C10orf90: variants seen among roughly 807,000 people sequenced by gnomAD.
C10orf90 encodes the protein (E2-independent) E3 ubiquitin-conjugating enzyme FATS.
Under a neutral mutation model 62.5 loss-of-function variants are expected in C10orf90, and 56 were observed. That is an observed-to-expected ratio of 0.90 (90% CI 0.72 to 1.12). C10orf90 has a LOEUF of 1.12. C10orf90 is among the 50% of genes most tolerant of loss of function. C10orf90 has a pLI of 0.00. For synonymous variants in C10orf90, 386 were observed against 340.4 expected (o/e 1.13, Z -1.47); for missense variants, 970 against 880.4 (o/e 1.10, Z -1.29).
intron 1 of C10orf90, among the ~76,000 whole-genome samples, chr10:126,654,052 A>G (rs1267621921): frequency 6.6e-6 from 1 of 152,180 alleles, no homozygotes; most frequent in Non-Finnish European, 1.5e-5. Context: ...GCTGTGATCC[A>G]GGCTTTGTTG....
intron 2 of C10orf90, among the ~76,000 whole-genome samples, chr10:126,563,052 C>G (rs1267327629): frequency 6.6e-6 from 1 of 152,212 alleles, no homozygotes; most frequent in Non-Finnish European, 1.5e-5. Flanking sequence ...ACATTGATGA[C>G]TTGAAACCAG....
At chr10:126,457,208 T>C (rs188214002) in intron 7 of C10orf90, among the ~76,000 whole-genome samples, 3 of 152,256 alleles carry the variant, frequency 2.0e-5, no homozygotes, top group East Asian at 1.9e-4. Flanking sequence ...AGGCTGGTCT[T>C]GAACTCCTGG....
chr10:126,665,672 A>G lies in C10orf90; in HGVS notation c.240+4569T>C, dbSNP rs138135069. On this transcript the variant is annotated intron_variant, in intron 1 of 9. Transcript: ENST00000488181. ...TGACCCCTGAGAGGAGGAAAACAAG[A>G]GAGGTGAGTCCTACAATTGTCCCCA... Among the ~76,000 whole-genome samples, 280 of 152,268 alleles carry G rather than the reference A, an allele frequency of 1.8e-3. 2 individuals carry two copies. The highest frequency in any genetic ancestry group is 6.3e-3 in the African/African-American group (260 of 41,564).
intron 2 of C10orf90, among the ~76,000 whole-genome samples, chr10:126,572,724 A>G (rs537679982): frequency 6.6e-6 from 1 of 152,194 alleles, no homozygotes; most frequent in South Asian, 2.1e-4. Flanking sequence ...GAATGCCTTA[A>G]CTGTCTGGGA....
At chr10:126,632,363 C>T (rs1355219605) in intron 2 of C10orf90, among the ~76,000 whole-genome samples, 1 of 151,956 alleles carries the variant, frequency 6.6e-6, no homozygotes, top group Non-Finnish European at 1.5e-5. Context: ...CATTGGCCCC[C>T]ACTGCAGTCC....
At chr10:126,486,002 C>T (rs1311602061) in intron 4 of C10orf90, among the ~76,000 whole-genome samples, 1 of 151,772 alleles carries the variant, frequency 6.6e-6, no homozygotes, top group Non-Finnish European at 1.5e-5. Context: ...AAATATATGG[C>T]TCAGCTGGCA....
intron 4 of C10orf90, chr10:126,496,699 G>GC: frequency 1.0e-6 from 1 of 985,320 alleles, no homozygotes; most frequent in Non-Finnish European, 1.2e-6. Flanking sequence ...CCCTTTCCTT[G>GC]CCAGAGAGGT....
At chr10:126,628,698 C>T (rs1845794808) in intron 2 of C10orf90, among the ~76,000 whole-genome samples, 1 of 152,202 alleles carries the variant, frequency 6.6e-6, no homozygotes, top group African/African-American at 2.4e-5. Context: ...CAGTTCTGAA[C>T]ACTTGGCAGT....
intron 4 of C10orf90, among the ~76,000 whole-genome samples, chr10:126,488,495 A>T (rs1055303206): frequency 2.6e-5 from 4 of 152,104 alleles, no homozygotes; most frequent in African/African-American, 9.6e-5. Flanking sequence ...AACAAATAGA[A>T]ATAAGAAAGC....
At chr10:126,633,422 G>A (rs751813944) in intron 2 of C10orf90, among the ~76,000 whole-genome samples, 4 of 152,272 alleles carry the variant, frequency 2.6e-5, no homozygotes, top group Non-Finnish European at 5.9e-5. Flanking sequence ...CAATGGGATG[G>A]CCTGATGAAC....
intron 4 of C10orf90, among the ~76,000 whole-genome samples, chr10:126,474,843 C>T (rs1001263323): frequency 2.6e-5 from 4 of 152,224 alleles, no homozygotes; most frequent in African/African-American, 9.6e-5. Context: ...TCTGATGGGG[C>T]TTACAAGATG....
chr10:126,438,871 C>G (rs1419899772), intron 7 of C10orf90, among the ~76,000 whole-genome samples: 1 of 151,976 alleles, frequency 6.6e-6, no homozygotes, highest in Non-Finnish European at 1.5e-5. Flanking sequence ...GCCTGAGAAC[C>G]TATACAACTG....
chr10:126,527,016 C>G (rs935903398), intron 2 of C10orf90, among the ~76,000 whole-genome samples: 2 of 152,186 alleles, frequency 1.3e-5, no homozygotes, highest in Non-Finnish European at 2.9e-5. Flanking sequence ...AATACTACTA[C>G]TGTGAAAATT....
At chr10:126,606,762 G>A (rs1381892720) in intron 2 of C10orf90, among the ~76,000 whole-genome samples, 1 of 152,164 alleles carries the variant, frequency 6.6e-6, no homozygotes, top group Non-Finnish European at 1.5e-5. Flanking sequence ...CCATAACGTA[G>A]CTGCTTTTGT....
At chr10:126,498,927 T>G (rs912063354) in intron 4 of C10orf90, among the ~76,000 whole-genome samples, 2 of 152,114 alleles carry the variant, frequency 1.3e-5, no homozygotes, top group African/African-American at 4.8e-5. Flanking sequence ...CACTCCCCAG[T>G]AAATGCCCTA....
chr10:126,429,481 C>A (rs977806292), intron 8 of C10orf90, among the ~76,000 whole-genome samples: 3 of 152,178 alleles, frequency 2.0e-5, no homozygotes, highest in Non-Finnish European at 4.4e-5. Context: ...CTGCCCAGAG[C>A]AACAATACTA....
intron 7 of C10orf90, among the ~76,000 whole-genome samples, chr10:126,438,940 G>A (rs541639146): frequency 6.6e-6 from 1 of 151,878 alleles, no homozygotes; most frequent in African/African-American, 2.4e-5. Context: ...AGACCCTGGA[G>A]TTGTGTTCCC....
intron 2 of C10orf90, among the ~76,000 whole-genome samples, chr10:126,622,608 A>C (rs1264093255): frequency 6.6e-6 from 1 of 152,172 alleles, no homozygotes; most frequent in Admixed American, 6.5e-5. Flanking sequence ...TCAACTGTCA[A>C]TAGTGCTAAG....
intron 7 of C10orf90, among the ~76,000 whole-genome samples, chr10:126,439,280 C>G (rs1858142905): frequency 6.6e-6 from 1 of 152,130 alleles, no homozygotes; most frequent in South Asian, 2.1e-4. Context: ...CACACTCCAC[C>G]CAATGTTCTC....
Sources: gnomAD v4.1 joint callset for allele counts (sites outside exome capture counted in the v4.1 genomes callset) on GRCh38, gnomAD v4.1.1 for gene constraint, MANE v1.5 for transcripts, NCBI Gene and HGNC (gene_info 2026-07-23, HGNC 2026-07-21) for gene names.